Variants in KCNH5 observed in about 807,000 individuals in gnomAD.
KCNH5 encodes voltage-gated delayed rectifier potassium channel KCNH5.
A neutral mutation model predicts 96.1 loss-of-function variants in KCNH5; 46 were observed. The ratio of observed to expected loss-of-function variants is 0.48; its 90% CI spans 0.38 to 0.61. The LOEUF is 0.61. Among genes scored for constraint, KCNH5 ranks in the 20% least tolerant of loss-of-function variants. The pLI is 0.00. For synonymous variants in KCNH5, 439 were observed against 449.8 expected (o/e 0.98, Z 0.30); for missense variants, 907 against 1,225.8 (o/e 0.74, Z 3.88).
chr14:63,011,256 G>A (rs530564943), intron 2 of KCNH5, among the ~76,000 whole-genome samples: 1 of 152,242 alleles, frequency 6.6e-6, no homozygotes, highest in South Asian at 2.1e-4. Context: ...GCTGAGGCGG[G>A]CAGATCACCT....
intron 6 of KCNH5, among the ~76,000 whole-genome samples, chr14:62,966,616 C>T (rs1406562090): frequency 6.6e-6 from 1 of 152,198 alleles, no homozygotes; most frequent in Non-Finnish European, 1.5e-5. Flanking sequence ...CTTAGCAGGA[C>T]CTTCTTTCTC....
At chr14:62,848,240 C>T (rs1184146380) in intron 8 of KCNH5, among the ~76,000 whole-genome samples, 2 of 152,166 alleles carry the variant, frequency 1.3e-5, no homozygotes, top group African/African-American at 4.8e-5. Flanking sequence ...CTTCAACAGA[C>T]ACCCTGCTTT....
rs139920104 is a variant in KCNH5, at chr14:62,889,543, T to C, written c.1370-39691A>G. ...GTCGAGAGAGCAGCCGATGAGCACATTAACTGACAGAGCCGGCCTGGAGTT... is the reference window on the plus strand; with the variant it reads ...GTCGAGAGAGCAGCCGATGAGCACACTAACTGACAGAGCCGGCCTGGAGTT... On this transcript the variant is annotated intron_variant, in intron 7 of 10. Coordinates refer to ENST00000322893, the MANE Select transcript of KCNH5 (RefSeq NM_139318.5). 3.4e-3 allele frequency among the ~76,000 whole-genome samples: 513 copies of C among 152,276 alleles called. 4 individuals are homozygous for C. The highest frequency in any genetic ancestry group is 0.012 in the African/African-American group (492 of 41,536).
intron 9 of KCNH5, among the ~76,000 whole-genome samples, chr14:62,788,380 G>A (rs1230961251): frequency 1.3e-5 from 2 of 152,172 alleles, no homozygotes; most frequent in Non-Finnish European, 2.9e-5. Flanking sequence ...ACTTACGGAT[G>A]AGCAAAGAAA....
intron 10 of KCNH5, among the ~76,000 whole-genome samples, chr14:62,767,502 A>G (rs1275565882): frequency 6.6e-6 from 1 of 152,254 alleles, no homozygotes; most frequent in Non-Finnish European, 1.5e-5. Flanking sequence ...CATAAAAAGA[A>G]CAAAATCATG....
chr14:62,840,197 T>A (rs1341517458), intron 8 of KCNH5, among the ~76,000 whole-genome samples: 2 of 152,206 alleles, frequency 1.3e-5, no homozygotes, highest in Non-Finnish European at 2.9e-5. Context: ...TCTCCCATTA[T>A]ATAGATCTTT....
At chr14:62,981,287 A>T in intron 5 of KCNH5, 23 bp from the exon 6 acceptor site, 2 of 1,609,920 alleles carry the variant, frequency 1.2e-6, no homozygotes, top group Non-Finnish European at 1.7e-6. Context: ...AAATGTATTT[A>T]TACATGACTA....
intron 7 of KCNH5, among the ~76,000 whole-genome samples, chr14:62,901,619 A>C (rs1247643743): frequency 1.3e-5 from 2 of 152,168 alleles, no homozygotes; most frequent in Non-Finnish European, 2.9e-5. Context: ...TTCTTTATCC[A>C]GTCTACCACT....
chr14:62,935,062 A>ATG (rs1889653191), intron 7 of KCNH5, among the ~76,000 whole-genome samples: 1 of 152,172 alleles, frequency 6.6e-6, no homozygotes, highest in African/African-American at 2.4e-5. Context: ...CAAGCGTACT[A>ATG]TGAAAGGTGG....
chr14:63,037,715 G>A (rs1891749431), intron 1 of KCNH5, among the ~76,000 whole-genome samples: 1 of 152,148 alleles, frequency 6.6e-6, no homozygotes, highest in Non-Finnish European at 1.5e-5. Context: ...GGCAACCTGA[G>A]GCTGGCCCTG....
At chr14:62,950,064 C>T in intron 7 of KCNH5, 69 bp downstream of exon 7, 2 of 1,369,130 alleles carry the variant, frequency 1.5e-6, no homozygotes, top group South Asian at 2.4e-5. Context: ...CGTTTTCATC[C>T]TATCTGAGAT....
intron 10 of KCNH5, among the ~76,000 whole-genome samples, chr14:62,762,322 C>T (rs562212955): frequency 1.3e-5 from 2 of 152,200 alleles, no homozygotes; most frequent in Non-Finnish European, 2.9e-5. Context: ...CCGTGTGGTC[C>T]CTGCAAGCCC....
At chr14:62,993,483 G>A (rs1364373745) in intron 4 of KCNH5, among the ~76,000 whole-genome samples, 1 of 151,910 alleles carries the variant, frequency 6.6e-6, no homozygotes, top group African/African-American at 2.4e-5. Flanking sequence ...ATGGCACCTG[G>A]TTCTTACCTG....
intron 10 of KCNH5, among the ~76,000 whole-genome samples, chr14:62,747,843 AG>A (rs1247438521): frequency 6.6e-6 from 1 of 152,200 alleles, no homozygotes; most frequent in Non-Finnish European, 1.5e-5. Context: ...GACTGTGTGG[AG>A]TTTTTAGAAA....
chr14:62,987,208 G>A, intron 4 of KCNH5, 21 bp from the exon 5 acceptor site: 2 of 1,549,302 alleles, frequency 1.3e-6, no homozygotes, highest in Non-Finnish European at 1.8e-6. Context: ...AGGAAAGAAA[G>A]TCTCAGTTTT....
chr14:62,864,480 T>A (rs1024018784), intron 7 of KCNH5, among the ~76,000 whole-genome samples: 1 of 152,138 alleles, frequency 6.6e-6, no homozygotes, highest in Non-Finnish European at 1.5e-5. Context: ...TTAAAATGGA[T>A]AGTGAATTTT....
At chr14:62,951,778 T>C (rs894042907) in intron 6 of KCNH5, among the ~76,000 whole-genome samples, 1 of 151,972 alleles carries the variant, frequency 6.6e-6, no homozygotes. Flanking sequence ...CTGGCCAACA[T>C]GGCAAAACCC....
chr14:62,952,697 G>C (rs1381204265), intron 6 of KCNH5, among the ~76,000 whole-genome samples: 4 of 152,080 alleles, frequency 2.6e-5, no homozygotes, highest in Admixed American at 1.3e-4. Flanking sequence ...AGGAAAAACA[G>C]AGAGAAAATC....
chr14:62,943,351 C>CT (rs1889824914), intron 7 of KCNH5, among the ~76,000 whole-genome samples: 1 of 152,040 alleles, frequency 6.6e-6, no homozygotes, highest in South Asian at 2.1e-4. Context: ...CATTGCATTC[C>CT]TTTGTTTTAT....
Sources: allele counts gnomAD v4.1 joint callset (sites outside exome capture counted in the v4.1 genomes callset), GRCh38; gene constraint gnomAD v4.1.1; transcripts MANE v1.5; gene names NCBI Gene and HGNC (gene_info 2026-07-23, HGNC 2026-07-21).